Variants in SLC2A1 observed in about 807,000 individuals in gnomAD.
SLC2A1 encodes the protein solute carrier family 2 member 1, also known as solute carrier family 2, facilitated glucose transporter member 1.
A neutral mutation model predicts 46.6 loss-of-function variants in SLC2A1; 4 were observed. The ratio of observed to expected loss-of-function variants is 0.09; its 90% CI spans 0.04 to 0.20. SLC2A1 has a LOEUF of 0.20. SLC2A1 is among the 10% of genes least tolerant of loss of function. The pLI, the probability that SLC2A1 is intolerant of heterozygous loss-of-function variation, is 1.00. For synonymous variants in SLC2A1, 253 were observed against 270.0 expected, an observed-to-expected ratio of 0.94 and a Z score of 0.62; for missense variants, 352 against 667.0, an observed-to-expected ratio of 0.53 and a Z score of 5.20.
At chr1:42,953,920 T>C (rs1643748635) in intron 1 of SLC2A1, among the ~76,000 whole-genome samples, 1 of 152,192 alleles carries the variant, frequency 6.6e-6, no homozygotes, top group Non-Finnish European at 1.5e-5. Flanking sequence ...CCACTTAAAA[T>C]AGCCACTTCT....
In SLC2A1 at chr1:42,932,026, G is replaced by C. The variant is rs547448498; in HGVS notation, c.115-820C>G. ...AGTACAGACTCCCTGACCGCACTGAGGGCCTGGTGTGACAAACTCACACAT... is the reference window on the plus strand; with the variant it reads ...AGTACAGACTCCCTGACCGCACTGACGGCCTGGTGTGACAAACTCACACAT... On this transcript the variant is annotated intron_variant, in intron 2 of 9. Transcript: ENST00000426263. Among the ~76,000 whole-genome samples the C allele has an allele frequency of 2.4e-4, 37 of 152,212 alleles. 1 individual carries two copies. The highest frequency in any genetic ancestry group is 8.9e-4 in the African/African-American group (37 of 41,530).
rs1479847187 is a variant in SLC2A1, at chr1:42,925,679, A to G, written c.*1362T>C. ...CTTGACAGCTCATTGGGCCCATACA[A>G]AGAACGTGGTTCATTTTGTGTGTGT... On this transcript the variant is annotated 3_prime_UTR_variant, in exon 10 of 10. Transcript: ENST00000426263. The G allele has an allele frequency of 1.3e-5, 2 of 152,202 alleles. No individual in the cohort carries two copies. The highest frequency in any genetic ancestry group is 4.8e-5 in the African/African-American group (2 of 41,446). The allele number at this position is 152,202 out of a possible 1,614,324, so 9.4% of individuals were successfully genotyped here. A position where few individuals can be genotyped will look rare whatever the true frequency, so the allele number is the denominator to read the frequency against.
chr1:42,951,723 A>G (rs1643722357), intron 1 of SLC2A1: 4 of 396,290 alleles, frequency 1.0e-5, no homozygotes, highest in Non-Finnish European at 1.8e-5. Context: ...TATTGGACAC[A>G]GCTTGGATGC....
intron 1 of SLC2A1, among the ~76,000 whole-genome samples, chr1:42,957,780 C>G (rs1326212766): frequency 6.6e-6 from 1 of 152,202 alleles, no homozygotes; most frequent in African/African-American, 2.4e-5. Flanking sequence ...GAGTCCCCAT[C>G]CCTCATTCCC....
chr1:42,943,008 T>C (rs1448707233), intron 2 of SLC2A1: 1 of 609,876 alleles, frequency 1.6e-6, no homozygotes, highest in African/African-American at 1.8e-5. Context: ...ACCCCAGGAT[T>C]CTGTGGGACC....
chr1:42,932,968 T>C (rs1384788126), intron 2 of SLC2A1, among the ~76,000 whole-genome samples: 1 of 152,214 alleles, frequency 6.6e-6, no homozygotes, highest in East Asian at 1.9e-4. Context: ...GGGCAGTGAA[T>C]AGAAACCTGA....
rs1171431590 is a variant in SLC2A1, at chr1:42,930,401, G to A, written c.516+225C>T. The A allele has an allele frequency of 2.7e-6, 2 of 727,330 alleles. No individual in the cohort carries two copies. The highest frequency in any genetic ancestry group is 2.1e-5 in the Admixed American group (1 of 47,648). The allele number at this position is 727,330 out of a possible 1,614,324, so 45.1% of individuals were successfully genotyped here. On this transcript the variant is annotated intron_variant, in intron 4 of 9. Transcript: ENST00000426263. The surrounding 1 kb of genome is among the most constrained non-coding windows in gnomAD (Gnocchi z 6.2). ...TTGGGGGAAGGCGGGCCCTGTGGTT[G>A]GAAGCCTAGAGTGAGAAGAAAGGGA...
chr1:42,929,427 C>G lies in SLC2A1; in HGVS notation c.868-113G>C. The G allele has an allele frequency of 9.1e-7, 1 of 1,101,908 alleles. No individual in the cohort carries two copies. The highest frequency in any genetic ancestry group is 2.5e-5 in the East Asian group (1 of 39,416). The allele number at this position is 1,101,908 out of a possible 1,614,324, so 68.3% of individuals were successfully genotyped here. A position where few individuals can be genotyped will look rare whatever the true frequency, so the allele number is the denominator to read the frequency against. ...GTAAAGAATGAAGGGGACAAATACT[C>G]AGGCAGAAGGGACACTGCACTGCAG... On this transcript the variant is annotated intron_variant, in intron 6 of 9. Transcript: ENST00000426263. The surrounding 1 kb of genome is among the most constrained non-coding windows in gnomAD (Gnocchi z 6.0).
chr1:42,945,820 G>A (rs1433268862), intron 1 of SLC2A1, among the ~76,000 whole-genome samples: 1 of 152,080 alleles, frequency 6.6e-6, no homozygotes, highest in Non-Finnish European at 1.5e-5. Flanking sequence ...CTGGGTGACT[G>A]GGGACAGGGT....
At chr1:42,958,212 CG>C (rs1643800291) in intron 1 of SLC2A1, among the ~76,000 whole-genome samples, 1 of 151,552 alleles carries the variant, frequency 6.6e-6, no homozygotes, top group Admixed American at 6.6e-5. Context: ...GCCGGGGGCT[CG>C]GCCCGCTCAG....
chr1:42,937,081 G>A (rs1377195499), intron 2 of SLC2A1, among the ~76,000 whole-genome samples: 2 of 152,198 alleles, frequency 1.3e-5, no homozygotes, highest in Non-Finnish European at 2.9e-5. Flanking sequence ...ACAGTGCCAA[G>A]CTGAGAAACC....
rs771836683 is a variant in SLC2A1, at chr1:42,943,223, C to T, written c.114+3G>A. ...CATAAGCCAACGATGGCACAGTACT[C>T]ACCTTCTGGGGGGCATTGATGACTC... On this transcript the variant is annotated splice_donor_region_variant and intron_variant, in intron 2 of 9. Coordinates refer to ENST00000426263, the MANE Select transcript of SLC2A1 (RefSeq NM_006516.4). 1.2e-6 allele frequency: 2 copies of T among 1,605,268 alleles called. No homozygotes were observed. The highest frequency in any genetic ancestry group is 2.2e-5 in the South Asian group (2 of 90,648).
Position 42,929,655 on chromosome 1 carries a change from G to A in SLC2A1, c.805C>T (p.Arg269Cys), listed in dbSNP as rs200247956. ...ILELFRSPAY[R>C]QPILIAVVLQ... ...ACCACAGCGATGAGGATGGGCTGGCGGTAGGCGGGGGAGCGGAACAGCTCC... is the reference window on the plus strand; with the variant it reads ...ACCACAGCGATGAGGATGGGCTGGCAGTAGGCGGGGGAGCGGAACAGCTCC... The change falls in exon 6 of 10, where the codon CGC becomes TGC. Residue 269 changes from arginine to cysteine, a missense_variant. Coordinates refer to ENST00000426263, the MANE Select transcript of SLC2A1 (RefSeq NM_006516.4). The surrounding 1 kb of genome is among the most constrained non-coding windows in gnomAD (Gnocchi z 6.0). The A allele has an allele frequency of 1.2e-4, 187 of 1,613,644 alleles. No homozygotes were observed. The highest frequency in any genetic ancestry group is 6.8e-5 in the Non-Finnish European group (80 of 1,180,006).
In SLC2A1 at chr1:42,929,410, T is replaced by C. The variant is rs1643462784; in HGVS notation, c.868-96A>G. The stretch of plus-strand genomic sequence containing the variant: ...TGTGGGACCCAGGATGAGTAAAGAA[T>C]GAAGGGGACAAATACTCAGGCAGAA... On this transcript the variant is annotated intron_variant, in intron 6 of 9. Coordinates refer to ENST00000426263, the MANE Select transcript of SLC2A1 (RefSeq NM_006516.4). This position sits in a 1 kb window ranked among gnomAD's most constrained non-coding sequence, Gnocchi z 6.0. 3 of 1,161,542 alleles carry C rather than the reference T, an allele frequency of 2.6e-6. No individual in the cohort carries two copies. Among genetic ancestry groups the C allele is most frequent in the Non-Finnish European group, 3.8e-6 (3 of 787,848 alleles). The allele number at this position is 1,161,542 out of a possible 1,614,324, so 72.0% of individuals were successfully genotyped here.
At chr1:42,931,252 C>G (rs1643487018) in intron 2 of SLC2A1, 46 bp from the exon 3 acceptor site, 1 of 1,593,944 alleles carries the variant, frequency 6.3e-7, no homozygotes, top group Non-Finnish European at 8.6e-7. Flanking sequence ...GGGGCCAGGA[C>G]CCAGTCTTCC....
At position 42,927,389 on chromosome 1, in the gene SLC2A1, C is replaced by T. The variant is rs13306753; in HGVS notation, c.1279-148G>A. ...ATGCTATCATAATTAACTGAGACCACGCTTGTACCTAGAATGTAACAGGCT... is the reference window on the plus strand; with the variant it reads ...ATGCTATCATAATTAACTGAGACCATGCTTGTACCTAGAATGTAACAGGCT... On this transcript the variant is annotated intron_variant, in intron 9 of 9. Transcript: ENST00000426263. The surrounding 1 kb of genome is among the most constrained non-coding windows in gnomAD (Gnocchi z 5.3). 290 of 862,092 alleles carry T rather than the reference C, an allele frequency of 3.4e-4. No homozygotes were observed. In the East Asian group the frequency reaches 5.5e-3, roughly 16 times the overall value. The allele number at this position is 862,092 out of a possible 1,614,324, so 53.4% of individuals were successfully genotyped here. A position where few individuals can be genotyped will look rare whatever the true frequency, so the allele number is the denominator to read the frequency against.
chr1:42,947,496 C>T (rs1195313982), intron 1 of SLC2A1, among the ~76,000 whole-genome samples: 1 of 139,810 alleles, frequency 7.2e-6, no homozygotes, highest in Admixed American at 7.8e-5. Context: ...CCAAGGTGGG[C>T]GGATCATTTG....
chr1:42,958,780 C>G lies in SLC2A1; in HGVS notation c.-129G>C, dbSNP rs936174986. The stretch of plus-strand genomic sequence containing the variant: ...CCACTGCGACTCTGACTCCGACCCC[C>G]GTCGTTTGGTCTCCTGCTCCCTGGC... On this transcript the variant is annotated 5_prime_UTR_variant, in exon 1 of 10. Transcript: ENST00000426263. The G allele has an allele frequency of 2.0e-6, 2 of 990,994 alleles. No homozygotes were observed. Among genetic ancestry groups the G allele is most frequent in the Non-Finnish European group, 1.5e-6 (1 of 670,604 alleles). The allele number at this position is 990,994 out of a possible 1,614,324, so 61.4% of individuals were successfully genotyped here. A position where few individuals can be genotyped will look rare whatever the true frequency, so the allele number is the denominator to read the frequency against.
chr1:42,954,687 C>A lies in SLC2A1; in HGVS notation c.18+3947G>T, dbSNP rs923332445. Among the ~76,000 whole-genome samples the A allele has an allele frequency of 6.6e-6, 1 of 152,168 alleles. No individual in the cohort carries two copies. Among genetic ancestry groups the A allele is most frequent in the African/African-American group, 2.4e-5 (1 of 41,442 alleles). On this transcript the variant is annotated intron_variant, in intron 1 of 9. Transcript: ENST00000426263. This position sits in a 1 kb window ranked among gnomAD's most constrained non-coding sequence, Gnocchi z 4.2. ...CCCTCCTGCTCTGGGTTCCTTCCAC[C>A]CTCTAATGTCATCCTGGAAAGGCTG...
Sources: gnomAD v4.1 joint callset for allele counts (sites outside exome capture counted in the v4.1 genomes callset) on GRCh38, gnomAD v4.1.1 for gene constraint, Gnocchi (gnomAD v3.1) non-coding constraint, MANE v1.5 for transcripts, NCBI Gene and HGNC (gene_info 2026-07-23, HGNC 2026-07-21) for gene names.